The following PCGF5 variants were observed in gnomAD, a reference collection of about 807,000 sequenced individuals.
The protein encoded by PCGF5 is polycomb group RING finger protein 5.
PCGF5 carries 9 observed loss-of-function variants against 44.3 expected under a neutral mutation model. The ratio of observed to expected loss-of-function variants is 0.20; its 90% CI spans 0.12 to 0.35. The LOEUF (loss-of-function observed/expected upper bound fraction) is 0.35. Among genes scored for constraint, PCGF5 ranks in the 10% least tolerant of loss-of-function variants. PCGF5 has a pLI of 1.00. For synonymous variants in PCGF5, 95 were observed against 102.5 expected, an observed-to-expected ratio of 0.93 and a Z score of 0.44; for missense variants, 146 against 305.3, an observed-to-expected ratio of 0.48 and a Z score of 3.89.
At chr10:91,187,374 C>T (rs964512743) in intron 1 of PCGF5, among the ~76,000 whole-genome samples, 2 of 151,942 alleles carry the variant, frequency 1.3e-5, no homozygotes, top group African/African-American at 4.8e-5. Context: ...TGGCAGGCAC[C>T]TTACTGAGCT....
intron 1 of PCGF5, among the ~76,000 whole-genome samples, chr10:91,213,127 G>A (rs1844482773): frequency 6.6e-6 from 1 of 152,164 alleles, no homozygotes; most frequent in Non-Finnish European, 1.5e-5. Flanking sequence ...GTCAAAGCTT[G>A]TAAATGCTAA....
chr10:91,198,256 C>G (rs1202319213), intron 1 of PCGF5, among the ~76,000 whole-genome samples: 1 of 152,190 alleles, frequency 6.6e-6, no homozygotes, highest in Non-Finnish European at 1.5e-5. Flanking sequence ...TCTCCCTGAC[C>G]TCAGTCCCAT....
At chr10:91,247,526 T>C (rs1311280649) in intron 3 of PCGF5, among the ~76,000 whole-genome samples, 3 of 151,294 alleles carry the variant, frequency 2.0e-5, no homozygotes, top group Non-Finnish European at 4.4e-5. Context: ...GTGAGAAACC[T>C]CTATGTGTTT....
chr10:91,259,665 G>T (rs980221582), intron 6 of PCGF5, among the ~76,000 whole-genome samples: 1 of 151,972 alleles, frequency 6.6e-6, no homozygotes, highest in Admixed American at 6.6e-5. Flanking sequence ...AAATAATGCC[G>T]CATATCTACA....
At chr10:91,201,534 G>A (rs925303219) in intron 1 of PCGF5, among the ~76,000 whole-genome samples, 6 of 152,040 alleles carry the variant, frequency 3.9e-5, no homozygotes, top group Non-Finnish European at 5.9e-5. Flanking sequence ...AAAAAAATAC[G>A]TAAACAGAGT....
intron 2 of PCGF5, among the ~76,000 whole-genome samples, chr10:91,224,785 A>G (rs1006811706): frequency 3.9e-5 from 6 of 152,180 alleles, no homozygotes; most frequent in Non-Finnish European, 7.4e-5. Flanking sequence ...AGGGCCTCCA[A>G]CCAAGGCTAT....
At chr10:91,195,799 C>T (rs768852714) in intron 1 of PCGF5, among the ~76,000 whole-genome samples, 16 of 151,432 alleles carry the variant, frequency 1.1e-4, no homozygotes, top group Non-Finnish European at 1.8e-4. Context: ...AGTAGCAGAG[C>T]CTAGACAGGG....
chr10:91,214,681 C>T (rs766618235), intron 1 of PCGF5, among the ~76,000 whole-genome samples: 8 of 151,960 alleles, frequency 5.3e-5, no homozygotes, highest in Non-Finnish European at 1.2e-4. Flanking sequence ...TAGAGGAGCA[C>T]GACAAACAGA....
chr10:91,222,604 C>T (rs564291238), intron 1 of PCGF5, 85 bp from the exon 2 acceptor site: 2 of 483,848 alleles, frequency 4.1e-6, no homozygotes, highest in South Asian at 9.5e-5. Flanking sequence ...ACATGTAACA[C>T]TTGCTGTTAA....
chr10:91,224,109 C>A (rs1032589447), intron 2 of PCGF5, among the ~76,000 whole-genome samples: 5 of 151,994 alleles, frequency 3.3e-5, no homozygotes, highest in African/African-American at 4.8e-5. Flanking sequence ...ATTTATTTTA[C>A]CACAATAAAA....
Position 91,278,187 on chromosome 10 carries a change from G to A in PCGF5, c.724-82G>A, listed in dbSNP as rs138716562. ...AGGAAATACTGTAAATTATAACTCC[G>A]AATTCTTAAAATCTTTCATATATAA... On this transcript the variant is annotated intron_variant, in intron 9 of 9. Coordinates refer to ENST00000336126, the MANE Select transcript of PCGF5 (RefSeq NM_032373.5). 346 of 1,201,340 alleles carry A rather than the reference G, an allele frequency of 2.9e-4. 1 individual carries two copies. In the East Asian group the frequency reaches 8.1e-3, roughly 28 times the overall value. 74.4% of individuals were successfully genotyped at this position (1,201,340 alleles called of 1,614,324 possible).
intron 1 of PCGF5, among the ~76,000 whole-genome samples, chr10:91,202,775 G>T (rs1844276396): frequency 6.6e-6 from 1 of 152,156 alleles, no homozygotes; most frequent in South Asian, 2.1e-4. Flanking sequence ...TAGGCGAAAA[G>T]ATTGGCCATT....
intron 2 of PCGF5, among the ~76,000 whole-genome samples, chr10:91,228,325 G>A (rs1441642918): frequency 1.3e-5 from 2 of 152,036 alleles, no homozygotes; most frequent in African/African-American, 2.4e-5. Context: ...ACAGTGTATT[G>A]GTTCTTAACC....
chr10:91,190,464 T>G (rs1175806865), intron 1 of PCGF5, among the ~76,000 whole-genome samples: 2 of 152,238 alleles, frequency 1.3e-5, no homozygotes, highest in Admixed American at 1.3e-4. Flanking sequence ...AAGCTTTAGT[T>G]TCCCCATGTA....
chr10:91,212,337 G>T (rs894218733), intron 1 of PCGF5, among the ~76,000 whole-genome samples: 15 of 152,292 alleles, frequency 9.8e-5, no homozygotes, highest in Non-Finnish European at 1.6e-4. Context: ...TGTGTTGCAT[G>T]AGGCCATTCT....
intron 1 of PCGF5, among the ~76,000 whole-genome samples, chr10:91,185,325 G>GA (rs1364887510): frequency 1.3e-5 from 2 of 152,194 alleles, no homozygotes; most frequent in African/African-American, 4.8e-5. Context: ...TGTGCTGGGG[G>GA]ATCCCTTCTG....
rs66465569 is a variant in PCGF5 at position 91,226,289 on chromosome 10, T to TAAAAAAAAAAAAAA, written c.112+3318_112+3331dup. 6.7e-5 allele frequency among the ~76,000 whole-genome samples: 5 copies of TAAAAAAAAAAAAAA among 75,136 alleles called. 1 individual carries two copies. The highest frequency in any genetic ancestry group is 7.2e-5 in the Non-Finnish European group (3 of 41,674). 49.3% of individuals were successfully genotyped at this position (75,136 alleles called of 152,430 possible). A position where few individuals can be genotyped will look rare whatever the true frequency, so the allele number is the denominator to read the frequency against. Reference sequence around the variant, plus strand: ...GAAAGAGTAATCAAGTTAAGAAATGTAAAAAAAAAAAAAAAAAAAAAAAAA... The same window carrying TAAAAAAAAAAAAAA: ...GAAAGAGTAATCAAGTTAAGAAATGTAAAAAAAAAAAAAAAAAAAAAAAAAAAAAAAAAAAAAAA... On this transcript the variant is annotated intron_variant, in intron 2 of 9. Transcript: ENST00000336126.
At chr10:91,163,488 G>T (rs1843432249) in intron 1 of PCGF5, among the ~76,000 whole-genome samples, 1 of 151,990 alleles carries the variant, frequency 6.6e-6, no homozygotes, top group Non-Finnish European at 1.5e-5. Flanking sequence ...GACGCTCGCG[G>T]CTTCCTGATG....
At chr10:91,159,086 A>G (rs1843350298), upstream of PCGF5, among the ~76,000 whole-genome samples, 1 of 152,230 alleles carries the variant, frequency 6.6e-6, no homozygotes, top group Non-Finnish European at 1.5e-5. Flanking sequence ...GCACTTCTTT[A>G]AACAGCAGAC....
Sources: gnomAD v4.1 joint callset for allele counts (sites outside exome capture counted in the v4.1 genomes callset) on GRCh38, gnomAD v4.1.1 for gene constraint, MANE v1.5 for transcripts, NCBI Gene and HGNC (gene_info 2026-07-23, HGNC 2026-07-21) for gene names.